DRC8: variants seen among roughly 807,000 people sequenced by gnomAD.
DRC8 encodes the protein dynein regulatory complex subunit 8, also known as dynein regulatory complex protein 8.
At chr1:245,094,483 C>T in the DRC8 span, among the ~76,000 whole-genome samples, 65 of 152,310 alleles carry the variant, frequency 4.3e-4, 1 homozygote, top group Middle Eastern at 0.01. Context: ...GAAGGCTCCC[C>T]GAGCTTCCTT....
At chr1:245,083,462 A>G in the DRC8 span, 1 of 1,613,814 alleles carries the variant, frequency 6.2e-7, no homozygotes, top group Non-Finnish European at 8.5e-7. Flanking sequence ...ATTCCAGAAG[A>G]TGTCCTTCTT....
At chr1:245,080,281 G>C in the DRC8 span, among the ~76,000 whole-genome samples, 33 of 152,258 alleles carry the variant, frequency 2.2e-4, no homozygotes, top group African/African-American at 7.2e-4. Flanking sequence ...GAAAGTTAAG[G>C]TCAATGGTGT....
the DRC8 span, among the ~76,000 whole-genome samples, chr1:245,068,917 T>C: frequency 1.3e-5 from 2 of 152,226 alleles, no homozygotes; most frequent in Non-Finnish European, 2.9e-5. Context: ...ATCTCTCTTC[T>C]GTGCATCACT....
At chr1:245,046,146 C>T in the DRC8 span, among the ~76,000 whole-genome samples, 1 of 152,074 alleles carries the variant, frequency 6.6e-6, no homozygotes, top group Non-Finnish European at 1.5e-5. Flanking sequence ...ATGATTTTAT[C>T]AATTATGTTA....
the DRC8 span, among the ~76,000 whole-genome samples, chr1:244,993,205 C>T: frequency 1.3e-5 from 2 of 152,200 alleles, no homozygotes; most frequent in African/African-American, 4.8e-5. Context: ...TCAGTGGTGA[C>T]TGCGCAGTGG....
At chr1:244,973,713 G>A in the DRC8 span, among the ~76,000 whole-genome samples, 1 of 152,142 alleles carries the variant, frequency 6.6e-6, no homozygotes, top group Admixed American at 6.5e-5. Context: ...ATACACATAT[G>A]TTTTAAATAG....
chr1:245,102,113 A>G, the DRC8 span, among the ~76,000 whole-genome samples: 4 of 152,326 alleles, frequency 2.6e-5, no homozygotes, highest in South Asian at 4.1e-4. Flanking sequence ...GCACAGACAC[A>G]CAACTCACTG....
At chr1:245,104,883 A>G in the DRC8 span, among the ~76,000 whole-genome samples, 2 of 152,238 alleles carry the variant, frequency 1.3e-5, no homozygotes, top group Non-Finnish European at 2.9e-5. Flanking sequence ...TCCAATCAGG[A>G]TCCAAACAAG....
the DRC8 span, among the ~76,000 whole-genome samples, chr1:245,050,631 G>C: frequency 6.6e-6 from 1 of 152,126 alleles, no homozygotes; most frequent in Non-Finnish European, 1.5e-5. Context: ...ACTGTGTCAG[G>C]ACAGTCCCTG....
chr1:245,119,394 C>A, the DRC8 span, among the ~76,000 whole-genome samples: 1 of 150,398 alleles, frequency 6.6e-6, no homozygotes, highest in Non-Finnish European at 1.5e-5. Flanking sequence ...AAGAACTGAG[C>A]CTGGCACAGT....
chr1:245,116,197 T>C, the DRC8 span, among the ~76,000 whole-genome samples: 36 of 151,976 alleles, frequency 2.4e-4, no homozygotes, highest in African/African-American at 8.2e-4. Context: ...CTAAAGATCC[T>C]ATCTGTACCA....
At chr1:245,073,626 G>A in the DRC8 span, among the ~76,000 whole-genome samples, 1 of 151,702 alleles carries the variant, frequency 6.6e-6, no homozygotes, top group South Asian at 2.1e-4. Context: ...AAAGACTAAT[G>A]GCTTGATAAG....
chr1:244,980,218 C>CAAAAAAAAAAAA, the DRC8 span, among the ~76,000 whole-genome samples: 63 of 64,942 alleles, frequency 9.7e-4, no homozygotes, highest in African/African-American at 3.9e-3. Flanking sequence ...GACTCCGTCT[C>CAAAAAAAAAAAA]AAAAAAAAAA....
the DRC8 span, among the ~76,000 whole-genome samples, chr1:245,028,169 G>A: frequency 3.9e-5 from 6 of 152,306 alleles, no homozygotes; most frequent in African/African-American, 7.2e-5. Flanking sequence ...GATTAGAGGC[G>A]TCAGCCACCA....
At chr1:245,093,287 T>C in the DRC8 span, among the ~76,000 whole-genome samples, 1 of 152,334 alleles carries the variant, frequency 6.6e-6, no homozygotes. Context: ...GGTTTCTTTT[T>C]TTCTTCTTTT....
the DRC8 span, chr1:245,087,453 A>C: frequency 1.4e-6 from 2 of 1,458,870 alleles, no homozygotes; most frequent in Non-Finnish European, 1.8e-6. Flanking sequence ...CCTATATGTG[A>C]TATTTAATAC....
At chr1:245,117,209 C>T in the DRC8 span, among the ~76,000 whole-genome samples, 1 of 151,984 alleles carries the variant, frequency 6.6e-6, no homozygotes, top group Admixed American at 6.6e-5. Flanking sequence ...CTCACCACCA[C>T]ACCCGGCTAA....
At chr1:245,042,921 A>T in the DRC8 span, among the ~76,000 whole-genome samples, 1 of 152,154 alleles carries the variant, frequency 6.6e-6, no homozygotes, top group Non-Finnish European at 1.5e-5. Context: ...CCCGGGTCAA[A>T]CATTTTAAGT....
chr1:245,119,208 T>A, the DRC8 span, among the ~76,000 whole-genome samples: 1 of 152,254 alleles, frequency 6.6e-6, no homozygotes, highest in African/African-American at 2.4e-5. Context: ...GGCATATTCA[T>A]GATTTTCAGT....
Sources: allele counts gnomAD v4.1 joint callset (sites outside exome capture counted in the v4.1 genomes callset), GRCh38; gene constraint gnomAD v4.1.1; transcripts MANE v1.5; gene names NCBI Gene and HGNC (gene_info 2026-07-23, HGNC 2026-07-21).